Variants in ABCC9 observed in about 807,000 individuals in gnomAD.
ABCC9 encodes the protein ATP binding cassette subfamily C member 9, also known as ATP-binding cassette sub-family C member 9.
In ABCC9, 95 loss-of-function variants were observed where a neutral mutation model predicts 188.3. The observed-to-expected ratio is 0.50, with a 90% CI of 0.43 to 0.60. The LOEUF (loss-of-function observed/expected upper bound fraction) is 0.60, where lower values mean the gene tolerates loss of function less well. Ranked by LOEUF, ABCC9 falls within the 20% of genes least tolerant of loss-of-function variation. The pLI, the probability that ABCC9 is intolerant of heterozygous loss-of-function variation, is 0.00. For synonymous variants in ABCC9, 659 were observed against 652.7 expected, an observed-to-expected ratio of 1.01 and a Z score of -0.15; for missense variants, 1,102 against 1,876.3, an observed-to-expected ratio of 0.59 and a Z score of 7.62.
At chr12:21,852,335 A>G (rs764524937) in intron 23 of ABCC9, 33 bp downstream of exon 23, 2 of 1,613,558 alleles carry the variant, frequency 1.2e-6, no homozygotes, top group Non-Finnish European at 1.7e-6. Flanking sequence ...ACTATAATAT[A>G]AAAATGAGCA....
intron 16 of ABCC9, 143 bp downstream of exon 16, chr12:21,882,623 A>T (rs1946677254): frequency 4.2e-6 from 3 of 710,826 alleles, no homozygotes; most frequent in South Asian, 1.9e-5. Context: ...AAAACTCAGA[A>T]TTTTTTTTTA....
intron 30 of ABCC9, among the ~76,000 whole-genome samples, chr12:21,833,198 C>A (rs1421285255): frequency 1.3e-5 from 2 of 151,862 alleles, no homozygotes; most frequent in Admixed American, 6.6e-5. Flanking sequence ...ACAGGTGTAC[C>A]AAAATCTCAG....
At chr12:21,888,168 A>G (rs1446644565) in intron 14 of ABCC9, among the ~76,000 whole-genome samples, 5 of 152,132 alleles carry the variant, frequency 3.3e-5, no homozygotes, top group Non-Finnish European at 7.4e-5. Flanking sequence ...AAATGTCAGA[A>G]AAATCAGGAC....
At chr12:21,806,107 C>G (rs1458871656) in intron 38 of ABCC9, 47 bp from the exon 39 acceptor site, 3 of 1,551,284 alleles carry the variant, frequency 1.9e-6, no homozygotes, top group Non-Finnish European at 2.7e-6. Context: ...ACTTTGTCAT[C>G]ATAATATTTT....
At chr12:21,867,144 C>A (rs1027243915) in intron 18 of ABCC9, among the ~76,000 whole-genome samples, 2 of 152,020 alleles carry the variant, frequency 1.3e-5, no homozygotes, top group African/African-American at 4.8e-5. Flanking sequence ...CTTCCAAAAA[C>A]AAATTAACCC....
Position 21,844,918 on chromosome 12 carries a change from A to T in ABCC9, c.3097-3T>A. ...CTAAAGCCAGCCACATAGTAGGTCTAAAAAGCAACCAACACAAAAAGCACA... is the reference window on the plus strand; with the variant it reads ...CTAAAGCCAGCCACATAGTAGGTCTTAAAAGCAACCAACACAAAAAGCACA... On this transcript the variant is annotated splice_polypyrimidine_tract_variant and splice_region_variant and intron_variant, in intron 26 of 39. Coordinates refer to ENST00000261200, the MANE Select transcript of ABCC9 (RefSeq NM_020297.4). 1 of 1,613,666 alleles carries T rather than the reference A, an allele frequency of 6.2e-7. No individual in the cohort carries two copies. The highest frequency in any genetic ancestry group is 8.5e-7 in the Non-Finnish European group (1 of 1,179,672).
chr12:21,831,074 G>A (rs1172062343), intron 30 of ABCC9: 1 of 134,870 alleles, frequency 7.4e-6, no homozygotes, highest in Non-Finnish European at 1.6e-5. Context: ...TTTTTTTTGA[G>A]ACAGTCTCAC....
intron 30 of ABCC9, among the ~76,000 whole-genome samples, chr12:21,836,759 C>A (rs767486760): frequency 1.3e-5 from 2 of 151,642 alleles, no homozygotes; most frequent in African/African-American, 2.4e-5. Context: ...AATGATGCCA[C>A]AACAACAACA....
In ABCC9 at chr12:21,801,159, G is replaced by T. The variant is rs554811993; in HGVS notation, c.4535C>A (p.Thr1512Lys). 1 of 1,613,848 alleles carries T rather than the reference G, an allele frequency of 6.2e-7. No individual in the cohort carries two copies. Among genetic ancestry groups the T allele is most frequent in the Non-Finnish European group, 8.5e-7 (1 of 1,179,894 alleles). The change falls in exon 40 of 40, where the codon ACG becomes AAG. Residue 1512 changes from threonine to lysine, a missense_variant. Thr to Lys is a moderately conservative substitution (Grantham distance 78). Transcript: ENST00000261200. ...CTTCATCACAATAACCAGGTCTGCC[G>T]TCAGAATAGTGTGTACTCGATGCTG... ...TIAHRVHTIL[T>K]ADLVIVMKRG...
intron 12 of ABCC9, among the ~76,000 whole-genome samples, chr12:21,896,852 G>A (rs1947455796): frequency 6.6e-6 from 1 of 152,172 alleles, no homozygotes; most frequent in Non-Finnish European, 1.5e-5. Context: ...CCATGTCTTT[G>A]CTATTGTGAA....
intron 5 of ABCC9, among the ~76,000 whole-genome samples, chr12:21,922,720 C>A (rs1948873526): frequency 1.3e-5 from 2 of 150,028 alleles, no homozygotes; most frequent in South Asian, 4.2e-4. Context: ...AATGCAATCC[C>A]CATAATGGTC....
intron 3 of ABCC9, among the ~76,000 whole-genome samples, 185 bp downstream of exon 3, chr12:21,936,348 A>G (rs1048088857): frequency 2.6e-5 from 4 of 152,144 alleles, no homozygotes; most frequent in Non-Finnish European, 5.9e-5. Context: ...TGTGACCTCA[A>G]TTTCACCTAC....
intron 25 of ABCC9, among the ~76,000 whole-genome samples, chr12:21,847,415 A>G (rs1043477558): frequency 2.0e-5 from 3 of 152,182 alleles, no homozygotes; most frequent in African/African-American, 7.2e-5. Flanking sequence ...AGAAATATAA[A>G]AGCACATTTT....
chr12:21,821,148 G>C (rs1943013972), intron 31 of ABCC9, among the ~76,000 whole-genome samples: 1 of 152,070 alleles, frequency 6.6e-6, no homozygotes, highest in Non-Finnish European at 1.5e-5. Flanking sequence ...TTTAGGATTT[G>C]TATGAATCAT....
intron 22 of ABCC9, among the ~76,000 whole-genome samples, chr12:21,858,938 C>T (rs1395920908): frequency 2.6e-5 from 4 of 152,158 alleles, no homozygotes; most frequent in Non-Finnish European, 5.9e-5. Flanking sequence ...TAGGTACCTC[C>T]TGCTGGAGAG....
intron 24 of ABCC9, among the ~76,000 whole-genome samples, chr12:21,849,200 G>A (rs1004962386): frequency 5.9e-5 from 9 of 152,058 alleles, no homozygotes; most frequent in African/African-American, 2.2e-4. Context: ...AACCTACACA[G>A]TTTTTCTGTT....
intron 12 of ABCC9, among the ~76,000 whole-genome samples, chr12:21,903,806 C>T (rs546406393): frequency 3.9e-5 from 6 of 152,324 alleles, no homozygotes; most frequent in African/African-American, 1.4e-4. Flanking sequence ...GAAGAACATT[C>T]CATGCTCATG....
At chr12:21,816,082 G>GTTTTTTTTTTTTT (rs1325095522) in intron 33 of ABCC9, among the ~76,000 whole-genome samples, 189 bp from the exon 34 acceptor site, 234 of 57,206 alleles carry the variant, frequency 4.1e-3, no homozygotes, top group Non-Finnish European at 4.4e-3. Flanking sequence ...TTTTTTTTTA[G>GTTTTTTTTTTTTT]TTTAAATCAC....
At chr12:21,863,116 T>C in intron 19 of ABCC9, 62 bp from the exon 20 acceptor site, 1 of 1,056,052 alleles carries the variant, frequency 9.5e-7, no homozygotes, top group Non-Finnish European at 1.4e-6. Context: ...TGCGTGTATG[T>C]ATTTTACTAT....
Sources: allele counts gnomAD v4.1 joint callset (sites outside exome capture counted in the v4.1 genomes callset), GRCh38; gene constraint gnomAD v4.1.1; transcripts MANE v1.5; gene names NCBI Gene and HGNC (gene_info 2026-07-23, HGNC 2026-07-21).